The following HKDC1 variants were observed in gnomAD, a reference collection of about 807,000 sequenced individuals.
HKDC1 encodes the protein hexokinase domain containing 1.
HKDC1 carries 66 observed loss-of-function variants against 96.6 expected under a neutral mutation model. The ratio of observed to expected loss-of-function variants is 0.68; its 90% CI spans 0.56 to 0.84. The LOEUF (loss-of-function observed/expected upper bound fraction) is 0.84, where lower values mean the gene tolerates loss of function less well. HKDC1 is among the 40% of genes least tolerant of loss of function. The probability of loss-of-function intolerance (pLI) is 0.00; values close to 1 mark genes in which losing one functional copy is unlikely to be tolerated. For synonymous variants in HKDC1, 466 were observed against 473.1 expected (o/e 0.98, Z 0.20); for missense variants, 1,211 against 1,208.1 (o/e 1.00, Z -0.04).
chr10:69,264,956 TC>T (rs1286136077), intron 16 of HKDC1, among the ~76,000 whole-genome samples: 1 of 152,028 alleles, frequency 6.6e-6, no homozygotes, highest in Non-Finnish European at 1.5e-5. Flanking sequence ...TACAGTCCTA[TC>T]AGGTTCCCCT....
chr10:69,247,445 C>T lies in HKDC1; in HGVS notation c.1117C>T (p.His373Tyr), dbSNP rs1249387483. 3 of 1,614,188 alleles carry T rather than the reference C, an allele frequency of 1.9e-6. No homozygotes were observed. Among genetic ancestry groups the T allele is most frequent in the East Asian group, 4.5e-5 (2 of 44,886 alleles). ...TGAGGCTGACTGCATTGCCGTCCAGCATGTCTGTACCATCGTCTCCTTCCG... is the reference window on the plus strand; with the variant it reads ...TGAGGCTGACTGCATTGCCGTCCAGTATGTCTGTACCATCGTCTCCTTCCG... The part of the protein sequence containing the change: ...PSEADCIAVQ[H>Y]VCTIVSFRSA... The change falls in exon 9 of 18, where the codon CAT becomes TAT. Residue 373 changes from histidine (H) to tyrosine (Y), a missense_variant. Coordinates refer to ENST00000354624, the MANE Select transcript of HKDC1 (RefSeq NM_025130.4).
At chr10:69,237,277 T>TG (rs1843375516) in intron 4 of HKDC1, among the ~76,000 whole-genome samples, 1 of 145,598 alleles carries the variant, frequency 6.9e-6, no homozygotes, top group African/African-American at 2.5e-5. Context: ...AGAAATTTCT[T>TG]TGTGTGTGTG....
intron 2 of HKDC1, among the ~76,000 whole-genome samples, chr10:69,231,425 G>A (rs942708601): frequency 4.9e-4 from 75 of 152,184 alleles, no homozygotes; most frequent in African/African-American, 1.7e-3. Flanking sequence ...TTTGGCAAAA[G>A]CACACTCACT....
At chr10:69,263,229 G>A (rs12360007) in intron 16 of HKDC1, among the ~76,000 whole-genome samples, 6 of 152,010 alleles carry the variant, frequency 3.9e-5, no homozygotes, top group African/African-American at 1.2e-4. Context: ...CTGTCAAGTA[G>A]CTGGGACTAC....
At chr10:69,248,878 T>G in intron 10 of HKDC1, 150 bp downstream of exon 10, 1 of 743,738 alleles carries the variant, frequency 1.3e-6, no homozygotes, top group Non-Finnish European at 2.1e-6. Flanking sequence ...TCTTTCTAAA[T>G]CTGTTGGCCT....
chr10:69,262,090 A>G, intron 16 of HKDC1: 1 of 442,270 alleles, frequency 2.3e-6, no homozygotes, highest in Non-Finnish European at 4.5e-6. Context: ...TATTGCCTGG[A>G]TCTATTATTT....
chr10:69,236,597 A>G lies in HKDC1; in HGVS notation c.496-2445A>G, dbSNP rs561440291. ...GGAGTTCGAGACCAGCCTGACCAAC[A>G]TGGAGAAACCCCGTCTCTACTAAAA... On this transcript the variant is annotated intron_variant, in intron 4 of 17. Coordinates refer to ENST00000354624, the MANE Select transcript of HKDC1 (RefSeq NM_025130.4). Among the ~76,000 whole-genome samples, 3 of 151,896 alleles carry G rather than the reference A, an allele frequency of 2.0e-5. 1 individual carries two copies. In the South Asian group the frequency reaches 6.2e-4, roughly 32 times the overall value.
intron 4 of HKDC1, among the ~76,000 whole-genome samples, chr10:69,233,960 C>CT (rs1352694877): frequency 2.6e-5 from 4 of 151,118 alleles, no homozygotes; most frequent in African/African-American, 9.7e-5. Context: ...GACACAGAGC[C>CT]TGGGATACAC....
At chr10:69,264,294 A>G (rs1388292672) in intron 16 of HKDC1, among the ~76,000 whole-genome samples, 4 of 151,896 alleles carry the variant, frequency 2.6e-5, no homozygotes. Context: ...CCAGCATCAT[A>G]CAGTGCATAG....
intron 10 of HKDC1, among the ~76,000 whole-genome samples, chr10:69,249,858 T>C (rs1843609717): frequency 1.3e-5 from 2 of 152,202 alleles, no homozygotes; most frequent in African/African-American, 2.4e-5. Context: ...GTACCGTTCC[T>C]TGGGGCTCCC....
rs757619758 is a variant in HKDC1, at chr10:69,250,366, G to A, written c.1647G>A (p.Arg549=). The A allele has an allele frequency of 2.5e-6, 4 of 1,614,162 alleles. No homozygotes were observed. In the Admixed American group the frequency reaches 6.7e-5, roughly 27 times the overall value. ...TCCTGGTGAAGATCAGAAGTGGACG[G>A]AGGTCAGTGCGAATGTACAACAAGA... ...RVLLVKIRSG[R]RSVRMYNKIF... Residue 549 remains arginine, a synonymous_variant, in exon 11 of 18, where the codon CGG becomes CGA. Transcript: ENST00000354624.
At chr10:69,255,417 G>C (rs1310653244) in intron 12 of HKDC1, among the ~76,000 whole-genome samples, 1 of 152,136 alleles carries the variant, frequency 6.6e-6, no homozygotes, top group Non-Finnish European at 1.5e-5. Context: ...ACAGCCTCAG[G>C]GTGAGGCGGC....
At chr10:69,264,197 C>CTGTATGTG (rs1843853662) in intron 16 of HKDC1, among the ~76,000 whole-genome samples, 1 of 139,448 alleles carries the variant, frequency 7.2e-6, no homozygotes, top group Non-Finnish European at 1.5e-5. Flanking sequence ...AGATTTCCTT[C>CTGTATGTG]TGTGTGTGTG....
intron 16 of HKDC1, among the ~76,000 whole-genome samples, chr10:69,262,409 C>T (rs564446089): frequency 3.3e-5 from 5 of 152,020 alleles, no homozygotes; most frequent in African/African-American, 7.2e-5. Flanking sequence ...ACCATGGGCG[C>T]AGTGTTTTTT....
chr10:69,260,587 G>T (rs545942764), intron 15 of HKDC1, among the ~76,000 whole-genome samples: 14 of 152,270 alleles, frequency 9.2e-5, no homozygotes, highest in Admixed American at 2.0e-4. Flanking sequence ...GCACATAAAT[G>T]CTTCCCATTT....
rs754086568 is a variant in HKDC1, at chr10:69,240,724, C to T, written c.664C>T (p.Pro222Ser). ...CATGATGACCTGTGCCTATGACGAC[C>T]CCTACTGCGAAGTTGGTGTCATCAT... ...GTMMTCAYDD[P>S]YCEVGVIIGT... Residue 222 changes from proline (P) to serine (S), a missense_variant, in exon 6 of 18, where the codon CCC becomes TCC. Coordinates refer to ENST00000354624, the MANE Select transcript of HKDC1 (RefSeq NM_025130.4). The T allele has an allele frequency of 1.9e-6, 3 of 1,613,956 alleles. No homozygotes were observed. Among genetic ancestry groups the T allele is most frequent in the South Asian group, 1.1e-5 (1 of 91,072 alleles).
intron 6 of HKDC1, among the ~76,000 whole-genome samples, chr10:69,241,692 C>T (rs1378718852): frequency 6.6e-6 from 1 of 152,110 alleles, no homozygotes; most frequent in Non-Finnish European, 1.5e-5. Flanking sequence ...ACAGTGTTTG[C>T]CAGGCTGCTC....
chr10:69,248,935 C>G (rs1843590747), intron 10 of HKDC1: 2 of 562,640 alleles, frequency 3.6e-6, no homozygotes, highest in Non-Finnish European at 6.2e-6. Flanking sequence ...AATAAACAAA[C>G]AAAAACACAA....
In HKDC1 at chr10:69,247,354, G is replaced by C. The variant is rs904868627; in HGVS notation, c.1032-6G>C. On this transcript the variant is annotated splice_polypyrimidine_tract_variant and splice_region_variant and intron_variant, in intron 8 of 17. Transcript: ENST00000354624. ...TGTCGTTCACTCATTCCTGTCCCCT[G>C]GCCAGGTATAAAGAAGGCCTTGCTA... 1.9e-6 allele frequency: 3 copies of C among 1,604,150 alleles called. No individual in the cohort carries two copies. In the African/African-American group the frequency reaches 4.0e-5, roughly 21 times the overall value.
Sources: allele counts gnomAD v4.1 joint callset (sites outside exome capture counted in the v4.1 genomes callset), GRCh38; gene constraint gnomAD v4.1.1; transcripts MANE v1.5; gene names NCBI Gene and HGNC (gene_info 2026-07-23, HGNC 2026-07-21).